NR5A2: variants seen among roughly 807,000 people sequenced by gnomAD.
NR5A2 encodes nuclear receptor subfamily 5 group A member 2.
A neutral mutation model predicts 62.7 loss-of-function variants in NR5A2; 26 were observed. The observed-to-expected ratio is 0.41, with a 90% CI of 0.30 to 0.58. NR5A2 has a LOEUF of 0.58. Ranked by LOEUF, NR5A2 falls within the 20% of genes least tolerant of loss-of-function variation. The pLI is 0.22. For synonymous variants in NR5A2, 246 were observed against 241.7 expected (o/e 1.02, Z -0.16); for missense variants, 541 against 669.1 (o/e 0.81, Z 2.11).
At chr1:200,036,715 C>A (rs1469213313) in intron 1 of NR5A2, among the ~76,000 whole-genome samples, 1 of 152,134 alleles carries the variant, frequency 6.6e-6, no homozygotes, top group Non-Finnish European at 1.5e-5. Context: ...CGTTTCCCAT[C>A]GTCGAGTTAA....
At position 200,174,379 on chromosome 1, in the gene NR5A2, AT is replaced by A; in HGVS notation, c.*170del. On this transcript the variant is annotated 3_prime_UTR_variant, in exon 8 of 8. Coordinates refer to ENST00000367362, the MANE Select transcript of NR5A2 (RefSeq NM_205860.3). ...AAAAGGCATAATAATCAAATACTTAATAGCAAATAAATGATGTATCAGGGTA... is the reference window on the plus strand; with the variant it reads ...AAAAGGCATAATAATCAAATACTTAAAGCAAATAAATGATGTATCAGGGTA... 1 of 599,506 alleles carries A rather than the reference AT, an allele frequency of 1.7e-6. No individual in the cohort carries two copies. The allele number at this position is 599,506 out of a possible 1,614,324, so 37.1% of individuals were successfully genotyped here.
chr1:200,033,673 T>A (rs1394165478), intron 1 of NR5A2, among the ~76,000 whole-genome samples: 1 of 148,002 alleles, frequency 6.8e-6, no homozygotes, highest in Non-Finnish European at 1.5e-5. Flanking sequence ...AACAAGTGAA[T>A]CTCTCTCAAG....
At chr1:200,029,685 C>G (rs888721084) in intron 1 of NR5A2, 1 of 152,228 alleles carries the variant, frequency 6.6e-6, no homozygotes, top group Non-Finnish European at 1.5e-5. Context: ...CAGGCACTTC[C>G]GGGCGCCGGA....
intron 7 of NR5A2, among the ~76,000 whole-genome samples, chr1:200,124,165 G>T (rs1571517326): frequency 6.6e-6 from 1 of 152,078 alleles, no homozygotes; most frequent in Non-Finnish European, 1.5e-5. Context: ...CCAGTTATAG[G>T]TTTCAAGCCA....
rs528900481 is a variant in NR5A2 at position 200,091,624 on chromosome 1, A to G, written c.1111-19578A>G. Among the ~76,000 whole-genome samples the G allele has an allele frequency of 3.4e-4, 51 of 151,872 alleles. 2 individuals are homozygous for G. Among genetic ancestry groups the G allele is most frequent in the African/African-American group, 1.2e-3 (49 of 41,444 alleles). On this transcript the variant is annotated intron_variant, in intron 5 of 7. Transcript: ENST00000367362. ...CTCAGCCTCCTGAGTAGCTGGGACT[A>G]CAGGTGTACACTACCATGCCCAGCT...
chr1:200,164,128 C>T (rs1268865729), intron 7 of NR5A2, among the ~76,000 whole-genome samples: 1 of 152,196 alleles, frequency 6.6e-6, no homozygotes, highest in East Asian at 1.9e-4. Context: ...GTGCCTGCCC[C>T]ACCCTCACCC....
chr1:200,074,049 C>G (rs1663884174), intron 5 of NR5A2, among the ~76,000 whole-genome samples: 1 of 152,074 alleles, frequency 6.6e-6, no homozygotes, highest in South Asian at 2.1e-4. Context: ...AATTTTTCTT[C>G]AAGACTGATT....
chr1:200,094,195 T>C (rs9661669), intron 5 of NR5A2, among the ~76,000 whole-genome samples: 3 of 149,398 alleles, frequency 2.0e-5, no homozygotes, highest in South Asian at 2.1e-4. Context: ...TTTTTTTTTC[T>C]TTTTTTGGAG....
At chr1:200,064,636 G>A (rs1663386766) in intron 5 of NR5A2, among the ~76,000 whole-genome samples, 1 of 152,092 alleles carries the variant, frequency 6.6e-6, no homozygotes, top group Admixed American at 6.5e-5. Context: ...AGCATCGGGG[G>A]CCAGAAGGAT....
chr1:200,058,146 A>C (rs1385883576), intron 5 of NR5A2: 1 of 152,144 alleles, frequency 6.6e-6, no homozygotes, highest in Non-Finnish European at 1.5e-5. Flanking sequence ...GAACTTCCAT[A>C]TACATTTTTT....
At chr1:200,036,255 C>T (rs1254793432) in intron 1 of NR5A2, among the ~76,000 whole-genome samples, 1 of 152,174 alleles carries the variant, frequency 6.6e-6, no homozygotes, top group Non-Finnish European at 1.5e-5. Flanking sequence ...TCTCAAATAA[C>T]CCATCTTAGA....
chr1:200,114,262 CTACATATATA>C (rs1357904024), intron 6 of NR5A2, among the ~76,000 whole-genome samples: 1 of 148,216 alleles, frequency 6.7e-6, no homozygotes, highest in Non-Finnish European at 1.5e-5. Flanking sequence ...ACAAATATAT[CTACATATATA>C]CATATATATA....
chr1:200,042,669 C>G (rs933471355), intron 2 of NR5A2, among the ~76,000 whole-genome samples: 1 of 152,200 alleles, frequency 6.6e-6, no homozygotes, highest in Non-Finnish European at 1.5e-5. Flanking sequence ...GAAGAGTGCC[C>G]GGGGGAGTGC....
intron 7 of NR5A2, among the ~76,000 whole-genome samples, chr1:200,133,405 C>T (rs1026303441): frequency 2.6e-5 from 4 of 151,510 alleles, no homozygotes; most frequent in Non-Finnish European, 4.4e-5. Flanking sequence ...TCAAATTGGG[C>T]AATTCTGCCT....
chr1:200,080,320 A>T (rs1664236860), intron 5 of NR5A2, among the ~76,000 whole-genome samples: 2 of 152,272 alleles, frequency 1.3e-5, no homozygotes, highest in Admixed American at 1.3e-4. Context: ...TGCAAAAATC[A>T]TTTGCCTCAG....
intron 5 of NR5A2, among the ~76,000 whole-genome samples, chr1:200,095,434 C>G (rs1369812390): frequency 6.6e-6 from 1 of 152,190 alleles, no homozygotes; most frequent in African/African-American, 2.4e-5. Flanking sequence ...CACAAATTCA[C>G]CTGACCTTGA....
At chr1:200,054,168 G>C (rs954408378) in intron 5 of NR5A2, 1 of 152,206 alleles carries the variant, frequency 6.6e-6, no homozygotes, top group Non-Finnish European at 1.5e-5. Flanking sequence ...ATAAAAAAGA[G>C]AACACAGGAT....
intron 5 of NR5A2, among the ~76,000 whole-genome samples, chr1:200,054,835 A>G (rs942148684): frequency 2.0e-5 from 3 of 152,034 alleles, no homozygotes; most frequent in Non-Finnish European, 4.4e-5. Flanking sequence ...GCAGGCCTAT[A>G]ATCTCAGACT....
intron 1 of NR5A2, among the ~76,000 whole-genome samples, chr1:200,035,191 G>T: frequency 6.6e-6 from 1 of 152,064 alleles, no homozygotes; most frequent in Non-Finnish European, 1.5e-5. Context: ...CTTCTTTCGG[G>T]GTCTAAAAGG....
Sources: allele counts gnomAD v4.1 joint callset (sites outside exome capture counted in the v4.1 genomes callset), GRCh38; gene constraint gnomAD v4.1.1; transcripts MANE v1.5; gene names NCBI Gene and HGNC (gene_info 2026-07-23, HGNC 2026-07-21).